GARIN2: variants seen among roughly 807,000 people sequenced by gnomAD.
GARIN2 encodes the protein Golgi-associated RAB2 interactor protein 2.
chr14:67,222,177 T>C, the GARIN2 span, among the ~76,000 whole-genome samples: 6 of 152,196 alleles, frequency 3.9e-5, 1 homozygote, highest in East Asian at 7.7e-4. Context: ...TGCTGATATA[T>C]AACGGGAATG....
chr14:67,222,556 G>C, the GARIN2 span, among the ~76,000 whole-genome samples: 1 of 152,196 alleles, frequency 6.6e-6, no homozygotes, highest in Non-Finnish European at 1.5e-5. Context: ...GATTATAGGA[G>C]TGAGCCACCA....
At chr14:67,221,696 G>A in the GARIN2 span, 934 of 1,565,840 alleles carry the variant, frequency 6.0e-4, 1 homozygote, top group Non-Finnish European at 7.0e-4. Context: ...AAGAATGACC[G>A]GTTATTTTAT....
chr14:67,212,195 G>C, the GARIN2 span, among the ~76,000 whole-genome samples: 1 of 152,058 alleles, frequency 6.6e-6, no homozygotes, highest in Non-Finnish European at 1.5e-5. Flanking sequence ...AGTACATAGA[G>C]GACTTTGGAC....
the GARIN2 span, among the ~76,000 whole-genome samples, chr14:67,206,883 A>G: frequency 6.6e-6 from 1 of 152,048 alleles, no homozygotes; most frequent in South Asian, 2.1e-4. Context: ...GGTGCCCACC[A>G]CACGCCCAGT....
At chr14:67,212,657 T>A in the GARIN2 span, among the ~76,000 whole-genome samples, 6 of 146,958 alleles carry the variant, frequency 4.1e-5, no homozygotes, top group African/African-American at 5.0e-5. Flanking sequence ...ATATATATAA[T>A]ATATATTTAC....
At chr14:67,215,528 C>A in the GARIN2 span, among the ~76,000 whole-genome samples, 1 of 151,226 alleles carries the variant, frequency 6.6e-6, no homozygotes, top group Middle Eastern at 3.4e-3. Context: ...ACAACAACAA[C>A]AACAGGAGAG....
chr14:67,208,203 A>G, the GARIN2 span: 2 of 1,612,232 alleles, frequency 1.2e-6, no homozygotes, highest in Non-Finnish European at 1.7e-6. Flanking sequence ...TTTTTAAAGG[A>G]AAAATTGAAA....
chr14:67,200,393 G>A, the GARIN2 span: 1 of 588,328 alleles, frequency 1.7e-6, no homozygotes, highest in South Asian at 2.2e-5. Context: ...ACCAATCAGA[G>A]ATGCTGTAGC....
the GARIN2 span, chr14:67,202,909 T>C: frequency 0.046 from 9,347 of 201,690 alleles, 525 homozygotes; most frequent in African/African-American, 0.15. Flanking sequence ...TAGGCCCCCA[T>C]GGGTCAGAGG....
chr14:67,190,069 T>C, the GARIN2 span, among the ~76,000 whole-genome samples: 1 of 95,054 alleles, frequency 1.1e-5, no homozygotes, highest in Non-Finnish European at 2.0e-5. Context: ...GCCCAGCTAA[T>C]TTTTTTTTTT....
At chr14:67,221,151 A>G in the GARIN2 span, among the ~76,000 whole-genome samples, 5 of 152,374 alleles carry the variant, frequency 3.3e-5, 1 homozygote, top group South Asian at 1.0e-3. Context: ...TTCTTTATCC[A>G]AAGACATTTC....
At chr14:67,223,804 T>C in the GARIN2 span, 12 of 985,688 alleles carry the variant, frequency 1.2e-5, no homozygotes, top group African/African-American at 2.1e-4. Context: ...TTCCCCATTT[T>C]CACTCTCCTC....
chr14:67,194,599 G>A, the GARIN2 span, among the ~76,000 whole-genome samples: 137 of 152,114 alleles, frequency 9.0e-4, 3 homozygotes, highest in Admixed American at 3.7e-3. Flanking sequence ...TCCGCCTCCC[G>A]GGTTCAAGAG....
At chr14:67,217,729 C>A in the GARIN2 span, among the ~76,000 whole-genome samples, 2 of 151,976 alleles carry the variant, frequency 1.3e-5, no homozygotes, top group Non-Finnish European at 2.9e-5. Context: ...AGATTTTAAT[C>A]TTAAGAGTTT....
At chr14:67,202,270 G>A in the GARIN2 span, among the ~76,000 whole-genome samples, 3 of 152,082 alleles carry the variant, frequency 2.0e-5, no homozygotes, top group South Asian at 2.1e-4. Context: ...GTGAAGCCCC[G>A]TCTCTCCTAA....
the GARIN2 span, among the ~76,000 whole-genome samples, chr14:67,195,830 G>A: frequency 1.5e-4 from 23 of 151,166 alleles, no homozygotes; most frequent in Admixed American, 5.3e-4. Context: ...TGCCATCTCC[G>A]CCTCCCGGGT....
At chr14:67,198,938 T>C in the GARIN2 span, 2 of 700,850 alleles carry the variant, frequency 2.9e-6, no homozygotes, top group African/African-American at 3.5e-5. Context: ...CACTAAACAC[T>C]GAGCTATTAC....
the GARIN2 span, among the ~76,000 whole-genome samples, chr14:67,224,262 T>TC: frequency 8.4e-6 from 1 of 119,662 alleles, no homozygotes; most frequent in African/African-American, 5.4e-5. Context: ...CTCTTTTCTT[T>TC]TTTTTTTTTT....
the GARIN2 span, chr14:67,199,210 C>G: frequency 3.1e-6 from 5 of 1,607,006 alleles, no homozygotes; most frequent in Admixed American, 8.3e-5. Context: ...GATAGAGTCA[C>G]TGGCCAGCAC....
Sources: allele counts gnomAD v4.1 joint callset (sites outside exome capture counted in the v4.1 genomes callset), GRCh38; gene constraint gnomAD v4.1.1; transcripts MANE v1.5; gene names NCBI Gene and HGNC (gene_info 2026-07-23, HGNC 2026-07-21).